ZMYM6: variants seen among roughly 807,000 people sequenced by gnomAD.
ZMYM6 encodes the protein zinc finger MYM-type containing 6, also known as zinc finger MYM-type protein 6.
Under a neutral mutation model 134.0 loss-of-function variants are expected in ZMYM6, and 90 were observed. The observed-to-expected ratio is 0.67, with a 90% CI of 0.57 to 0.80. The LOEUF (loss-of-function observed/expected upper bound fraction) is 0.80. Ranked by LOEUF, ZMYM6 falls within the 30% of genes least tolerant of loss-of-function variation. The pLI is 0.00. For synonymous variants in ZMYM6, 481 were observed against 524.1 expected (o/e 0.92, Z 1.12); for missense variants, 1,362 against 1,533.9 (o/e 0.89, Z 1.87).
intron 14 of ZMYM6, among the ~76,000 whole-genome samples, chr1:34,996,167 T>C (rs1359151051): frequency 3.3e-5 from 5 of 152,194 alleles, no homozygotes; most frequent in Non-Finnish European, 5.9e-5. Flanking sequence ...ATGGTACTGA[T>C]AGACATTATA....
intron 14 of ZMYM6, among the ~76,000 whole-genome samples, chr1:35,002,526 A>T (rs1008493116): frequency 2.6e-5 from 4 of 152,204 alleles, no homozygotes; most frequent in African/African-American, 7.2e-5. Flanking sequence ...TTATGGCAGC[A>T]CTGATCTTGC....
chr1:35,004,701 G>T (rs528229869), intron 13 of ZMYM6, among the ~76,000 whole-genome samples: 1 of 152,246 alleles, frequency 6.6e-6, no homozygotes, highest in South Asian at 2.1e-4. Context: ...CCTGAGGCGG[G>T]GGTGGGGAGG....
intron 12 of ZMYM6, among the ~76,000 whole-genome samples, chr1:35,005,934 T>C (rs79725955): frequency 0.019 from 2,829 of 152,304 alleles, 93 homozygotes; most frequent in African/African-American, 0.064. Context: ...AGGTAGGCAA[T>C]GGCCAGACTG....
intron 4 of ZMYM6, chr1:35,017,241 T>C (rs1295393729): frequency 1.3e-5 from 2 of 152,180 alleles, no homozygotes; most frequent in Admixed American, 1.3e-4. Flanking sequence ...TGGTAAACCA[T>C]GAGAAAATAA....
chr1:34,988,621 A>G lies in ZMYM6; in HGVS notation c.2461T>C (p.Cys821Arg), dbSNP rs2148440434. The change falls in exon 16 of 16, where the codon TGT becomes CGT. Residue 821 changes from cysteine to arginine, a missense_variant. By Grantham distance (180) the Cys-to-Arg change is radical (BLOSUM62 -3). This residue lies in a region of ZMYM6 where 824 missense variants were observed against 940.9 expected (regional missense o/e 0.88). Coordinates refer to ENST00000357182, the MANE Select transcript of ZMYM6 (RefSeq NM_007167.4). Reference protein sequence around the residue: ...MECQNSSLKKCLLVEKSLVKA... With the variant: ...MECQNSSLKKRLLVEKSLVKA... ...ACAAGTGACTTTTCAACTAGTAAAC[A>G]CTTTTTTAAAGAACTATTTTGACAT... 1.3e-6 allele frequency: 2 copies of G among 1,548,868 alleles called. No homozygotes were observed. Among genetic ancestry groups the G allele is most frequent in the African/African-American group, 1.4e-5 (1 of 72,992 alleles).
rs183283898 is a variant in ZMYM6 at position 35,020,512 on chromosome 1, T to C, written c.94-45A>G. The C allele has an allele frequency of 6.2e-4, 883 of 1,427,156 alleles. 3 individuals carry two copies. The highest frequency in any genetic ancestry group is 1.2e-3 in the South Asian group (91 of 73,938). 88.4% of individuals were successfully genotyped at this position (1,427,156 alleles called of 1,614,324 possible). On this transcript the variant is annotated intron_variant, in intron 2 of 15. Transcript: ENST00000357182. Reference sequence around the variant, plus strand: ...AGAGAAAAGAGCAATGAATACAATGTATGTAAGTAAACTAGAAATTCAAGC... The same window carrying C: ...AGAGAAAAGAGCAATGAATACAATGCATGTAAGTAAACTAGAAATTCAAGC...
intron 11 of ZMYM6, among the ~76,000 whole-genome samples, chr1:35,008,453 C>T (rs774516838): frequency 8.5e-5 from 13 of 152,292 alleles, no homozygotes; most frequent in Non-Finnish European, 1.6e-4. Flanking sequence ...GAGAGAGCCA[C>T]TTCAGGCAAC....
At chr1:35,019,705 C>CAGAAA in intron 3 of ZMYM6, 103 bp from the exon 4 acceptor site, 3 of 1,352,186 alleles carry the variant, frequency 2.2e-6, no homozygotes, top group Non-Finnish European at 2.9e-6. Flanking sequence ...GACACGGTCT[C>CAGAAA]ACTGTCACCC....
intron 2 of ZMYM6, among the ~76,000 whole-genome samples, chr1:35,028,805 T>C (rs1174162482): frequency 1.3e-5 from 2 of 150,772 alleles, no homozygotes; most frequent in Non-Finnish European, 3.0e-5. Flanking sequence ...AGCCTCCACA[T>C]TGATTTCCGT....
At chr1:34,992,494 T>C in intron 14 of ZMYM6, 107 bp from the exon 15 acceptor site, 5 of 1,229,696 alleles carry the variant, frequency 4.1e-6, no homozygotes, top group South Asian at 1.6e-5. Context: ...AGAAATATAA[T>C]TCCTCTGAAA....
intron 5 of ZMYM6, 44 bp from the exon 6 acceptor site, chr1:35,014,932 C>T: frequency 6.2e-7 from 1 of 1,605,322 alleles, no homozygotes; most frequent in Non-Finnish European, 8.5e-7. Flanking sequence ...TAAGCAGAGC[C>T]AGTTAAAAAA....
In ZMYM6 at chr1:35,014,686, G is replaced by T. The variant is rs577705605; in HGVS notation, c.795+11C>A. 6.2e-7 allele frequency: 1 copy of T among 1,610,074 alleles called. No homozygotes were observed. Among genetic ancestry groups the T allele is most frequent in the Admixed American group, 1.7e-5 (1 of 59,320 alleles). ...TGGGCCTAAGTACATGCAACAAATA[G>T]ATATTCATACCTGCTTGTATGCCGT... On this transcript the variant is annotated intron_variant, in intron 6 of 15. Transcript: ENST00000357182.
chr1:35,008,062 C>T (rs1352485657), intron 11 of ZMYM6, among the ~76,000 whole-genome samples: 1 of 151,990 alleles, frequency 6.6e-6, no homozygotes, highest in African/African-American at 2.4e-5. Context: ...ATATATTACC[C>T]TCCCCCAACA....
At chr1:35,015,743 A>AAGAAAAAAAAAAAATATATATATAT in intron 4 of ZMYM6, among the ~76,000 whole-genome samples, 1 of 106,476 alleles carries the variant, frequency 9.4e-6, no homozygotes, top group African/African-American at 6.6e-5. Flanking sequence ...AAAAAAAAAA[A>AAGAAAAAAAAAAAATATATATATAT]ATATATATAT....
At position 34,987,452 on chromosome 1, in the gene ZMYM6, T is replaced by C. The variant is rs1367147516; in HGVS notation, c.3630A>G (p.Ser1210=). 1 of 1,613,886 alleles carries C rather than the reference T, an allele frequency of 6.2e-7. No homozygotes were observed. The highest frequency in any genetic ancestry group is 2.2e-5 in the East Asian group (1 of 44,872). The change falls in exon 16 of 16, where the codon TCA becomes TCG. Residue 1210 remains serine, a synonymous_variant. Transcript: ENST00000357182. ...AAGGGTGAATTATCCACAAATTTCC[T>C]GAACGCAAGTCTTGTTCTGGTGGAA... is the stretch of plus-strand genomic sequence containing the variant. ...DCFPPEQDLR[S]GNLWIIHPFM...
chr1:35,013,054 T>C (rs1269800438), intron 6 of ZMYM6: 1 of 932,568 alleles, frequency 1.1e-6, no homozygotes, highest in African/African-American at 1.8e-5. Flanking sequence ...TTTTTCAAGC[T>C]GAGTTTCATA....
Position 35,004,732 on chromosome 1 carries a change from T to C in ZMYM6, c.1954+400A>G, listed in dbSNP as rs1435208824. ...GGAGGCGGTGGGAGGGGGTGCATGTTCCCCTACATCACGTAAAGAAAGATA... is the reference window on the plus strand; with the variant it reads ...GGAGGCGGTGGGAGGGGGTGCATGTCCCCCTACATCACGTAAAGAAAGATA... On this transcript the variant is annotated intron_variant, in intron 13 of 15. Coordinates refer to ENST00000357182, the MANE Select transcript of ZMYM6 (RefSeq NM_007167.4). Among the ~76,000 whole-genome samples the C allele has an allele frequency of 5.3e-5, 8 of 151,906 alleles. No individual in the cohort carries two copies. The East Asian group carries it at 1.4e-3, about 26-fold the overall frequency.
chr1:35,029,746 A>AT, intron 2 of ZMYM6, among the ~76,000 whole-genome samples: 1 of 152,288 alleles, frequency 6.6e-6, no homozygotes, highest in Non-Finnish European at 1.5e-5. Flanking sequence ...TTCATTCTTC[A>AT]TAATTCAGCT....
chr1:35,015,196 T>C, intron 4 of ZMYM6, 34 bp from the exon 5 acceptor site: 1 of 1,540,398 alleles, frequency 6.5e-7, no homozygotes, highest in Non-Finnish European at 8.8e-7. Flanking sequence ...AAATGAAATG[T>C]ATTCTTCACA....
Sources: allele counts gnomAD v4.1 joint callset (sites outside exome capture counted in the v4.1 genomes callset), GRCh38; gene constraint gnomAD v4.1.1; regional missense constraint gnomAD v4.1.1; transcripts MANE v1.5; gene names NCBI Gene and HGNC (gene_info 2026-07-23, HGNC 2026-07-21).